The following RAP1GAP2 variants were observed in gnomAD, a reference collection of about 807,000 sequenced individuals.
RAP1GAP2 encodes RAP1 GTPase activating protein 2.
RAP1GAP2 carries 27 observed loss-of-function variants against 95.0 expected under a neutral mutation model. The ratio of observed to expected loss-of-function variants is 0.28; its 90% CI spans 0.21 to 0.39. RAP1GAP2 has a LOEUF of 0.39. RAP1GAP2 is among the 10% of genes least tolerant of loss of function. RAP1GAP2 has a pLI of 1.00. For synonymous variants in RAP1GAP2, 373 were observed against 380.9 expected (o/e 0.98, Z 0.24); for missense variants, 771 against 970.0 (o/e 0.79, Z 2.72).
At chr17:2,819,988 A>G (rs565724949) in intron 2 of RAP1GAP2, among the ~76,000 whole-genome samples, 1 of 151,652 alleles carries the variant, frequency 6.6e-6, no homozygotes, top group East Asian at 2.0e-4. Flanking sequence ...AGGTTTCACC[A>G]TCTTGCTGTC....
At chr17:2,759,670 C>G (rs1207483160) in intron 1 of RAP1GAP2, among the ~76,000 whole-genome samples, 2 of 151,958 alleles carry the variant, frequency 1.3e-5, no homozygotes, top group Non-Finnish European at 2.9e-5. Context: ...AGGCTGGTCT[C>G]AAACTCCTGA....
chr17:2,799,888 G>T (rs936308720), intron 1 of RAP1GAP2, among the ~76,000 whole-genome samples: 6 of 152,290 alleles, frequency 3.9e-5, no homozygotes, highest in African/African-American at 1.4e-4. Context: ...CACAGGCTGG[G>T]GATGGAGGAG....
At chr17:3,012,625 AAAAAAAC>A (rs2046596504) in intron 17 of RAP1GAP2, among the ~76,000 whole-genome samples, 2 of 150,940 alleles carry the variant, frequency 1.3e-5, no homozygotes, top group African/African-American at 4.9e-5. Context: ...AAAAAAAAAA[AAAAAAAC>A]AAACCTAAAG....
intron 13 of RAP1GAP2, among the ~76,000 whole-genome samples, chr17:2,997,215 C>G (rs1490024157): frequency 6.6e-6 from 1 of 152,188 alleles, no homozygotes. Context: ...TTCCATCCCA[C>G]CTACGCCAAG....
At chr17:2,973,223 G>A (rs909530717) in intron 8 of RAP1GAP2, among the ~76,000 whole-genome samples, 1 of 152,242 alleles carries the variant, frequency 6.6e-6, no homozygotes, top group African/African-American at 2.4e-5. Flanking sequence ...ACAGTAGAAT[G>A]ATCACTCTGG....
At chr17:3,026,765 G>A (rs1450380658) in intron 21 of RAP1GAP2, among the ~76,000 whole-genome samples, 179 bp from the exon 22 acceptor site, 1 of 152,172 alleles carries the variant, frequency 6.6e-6, no homozygotes, top group African/African-American at 2.4e-5. Context: ...CTGGGTCAAA[G>A]GTCCTTCTTG....
At chr17:2,812,492 G>A (rs1015874702) in intron 2 of RAP1GAP2, among the ~76,000 whole-genome samples, 3 of 152,084 alleles carry the variant, frequency 2.0e-5, no homozygotes, top group Non-Finnish European at 2.9e-5. Flanking sequence ...ATTACTAGAC[G>A]CTGGCCCGAA....
intron 20 of RAP1GAP2, 81 bp from the exon 21 acceptor site, chr17:3,026,269 G>A (rs1289969294): frequency 3.5e-5 from 48 of 1,368,282 alleles, no homozygotes; most frequent in Admixed American, 9.9e-5. Flanking sequence ...GTGGGGAGCC[G>A]CCAGAGGTCC....
At chr17:2,885,381 T>C (rs1201524223) in intron 2 of RAP1GAP2, among the ~76,000 whole-genome samples, 2 of 152,194 alleles carry the variant, frequency 1.3e-5, no homozygotes, top group Non-Finnish European at 2.9e-5. Flanking sequence ...CAGCATGCTT[T>C]CTCATGGGGC....
chr17:2,774,731 A>G (rs1472489303), upstream of RAP1GAP2, among the ~76,000 whole-genome samples: 1 of 151,668 alleles, frequency 6.6e-6, no homozygotes, highest in African/African-American at 2.4e-5. Context: ...TTGGCCTCCC[A>G]AAGTGCTGGG....
chr17:2,952,312 A>G (rs2043951150), intron 3 of RAP1GAP2, among the ~76,000 whole-genome samples: 1 of 152,154 alleles, frequency 6.6e-6, no homozygotes, highest in South Asian at 2.1e-4. Context: ...CTTGTCGTTT[A>G]TTGTATGAGT....
intron 2 of RAP1GAP2, among the ~76,000 whole-genome samples, chr17:2,895,033 C>T (rs2073843575): frequency 6.6e-6 from 1 of 152,198 alleles, no homozygotes; most frequent in Non-Finnish European, 1.5e-5. Flanking sequence ...GTCCGCACAG[C>T]GCCGGCACTG....
intron 2 of RAP1GAP2, among the ~76,000 whole-genome samples, chr17:2,891,653 A>G (rs1031039084): frequency 6.6e-6 from 1 of 151,308 alleles, no homozygotes; most frequent in Admixed American, 6.6e-5. Context: ...GAGCTCTTGC[A>G]TATTTCAGAA....
intron 2 of RAP1GAP2, among the ~76,000 whole-genome samples, chr17:2,826,147 ATTT>A (rs71150901): frequency 3.7e-5 from 4 of 108,864 alleles, no homozygotes; most frequent in African/African-American, 7.4e-5. Flanking sequence ...CGCCCAGCAA[ATTT>A]TTTTTTTTTT....
At chr17:2,768,692 CAA>C (rs59118427) in intron 1 of RAP1GAP2, among the ~76,000 whole-genome samples, 109 of 111,358 alleles carry the variant, frequency 9.8e-4, no homozygotes, top group African/African-American at 3.4e-3. Flanking sequence ...AACTCTGTCT[CAA>C]AAAAAAAAAA....
intron 2 of RAP1GAP2, among the ~76,000 whole-genome samples, chr17:2,808,107 C>T (rs978658073): frequency 2.0e-5 from 3 of 152,040 alleles, no homozygotes; most frequent in African/African-American, 7.2e-5. Flanking sequence ...TTTCCTTTCG[C>T]CCAGTAAATC....
chr17:2,800,163 A>C (rs2069223633), intron 1 of RAP1GAP2: 4 of 985,214 alleles, frequency 4.1e-6, no homozygotes, highest in Non-Finnish European at 4.8e-6. Context: ...TTGCGAGGGT[A>C]GCCGTAATAA....
At chr17:2,921,255 AGTGG>A (rs2042759505) in intron 3 of RAP1GAP2, among the ~76,000 whole-genome samples, 1 of 151,728 alleles carries the variant, frequency 6.6e-6, no homozygotes, top group Admixed American at 6.6e-5. Context: ...GCTGAAGTGC[AGTGG>A]CGTGATCTTG....
intron 1 of RAP1GAP2, among the ~76,000 whole-genome samples, chr17:2,779,924 G>A (rs1372020201): frequency 6.6e-6 from 1 of 151,966 alleles, no homozygotes; most frequent in Non-Finnish European, 1.5e-5. Flanking sequence ...TGGGGTGGTG[G>A]TAACCAAATG....
Sources: gnomAD v4.1 joint callset for allele counts (sites outside exome capture counted in the v4.1 genomes callset) on GRCh38, gnomAD v4.1.1 for gene constraint, MANE v1.5 for transcripts, NCBI Gene and HGNC (gene_info 2026-07-23, HGNC 2026-07-21) for gene names.